Variants in CDK19 observed in about 807,000 individuals in gnomAD.
The protein encoded by CDK19 is cyclin-dependent kinase 19.
Under a neutral mutation model 68.3 loss-of-function variants are expected in CDK19, and 20 were observed. That is an observed-to-expected ratio of 0.29 (90% CI 0.21 to 0.43). The LOEUF (loss-of-function observed/expected upper bound fraction) is 0.43. Among genes scored for constraint, CDK19 ranks in the 20% least tolerant of loss-of-function variants. CDK19 has a pLI of 1.00. For synonymous variants in CDK19, 221 were observed against 222.8 expected, an observed-to-expected ratio of 0.99 and a Z score of 0.07; for missense variants, 339 against 623.5, an observed-to-expected ratio of 0.54 and a Z score of 4.86.
chr6:110,805,633 G>A (rs539487872), intron 1 of CDK19, among the ~76,000 whole-genome samples: 81 of 152,184 alleles, frequency 5.3e-4, no homozygotes, highest in African/African-American at 1.8e-3. Flanking sequence ...ACAAATCTGC[G>A]TGTAAGTGGA....
intron 1 of CDK19, among the ~76,000 whole-genome samples, chr6:110,749,574 G>A (rs373326599): frequency 8.5e-5 from 13 of 152,074 alleles, no homozygotes; most frequent in East Asian, 7.7e-4. Context: ...TGGCCAGGCT[G>A]GTCTCGAACT....
intron 2 of CDK19, among the ~76,000 whole-genome samples, chr6:110,686,100 AC>A (rs1305777439): frequency 3.3e-5 from 5 of 152,170 alleles, no homozygotes. Flanking sequence ...CTAAAAATCT[AC>A]CATTAGAAAA....
intron 1 of CDK19, among the ~76,000 whole-genome samples, chr6:110,753,725 CT>C (rs200345957): frequency 4.0e-5 from 6 of 150,520 alleles, no homozygotes; most frequent in East Asian, 1.9e-4. Context: ...TGTATAATTT[CT>C]TTTTTTTTAA....
At chr6:110,638,790 A>ATACATTCTGTATCATATACAG in intron 4 of CDK19, 84 bp from the exon 5 acceptor site, 1 of 770,904 alleles carries the variant, frequency 1.3e-6, no homozygotes, top group Non-Finnish European at 2.2e-6. Flanking sequence ...TATCATATAA[A>ATACATTCTGTATCATATACAG]AAATCATTTC....
intron 2 of CDK19, among the ~76,000 whole-genome samples, chr6:110,718,196 G>A (rs1354484840): frequency 1.3e-5 from 2 of 152,144 alleles, no homozygotes; most frequent in Non-Finnish European, 2.9e-5. Context: ...TAAGACACCA[G>A]GTACCAGGAA....
intron 9 of CDK19, 27 bp from the exon 10 acceptor site, chr6:110,622,939 G>A (rs1233964540): frequency 4.4e-6 from 6 of 1,363,804 alleles, no homozygotes; most frequent in Non-Finnish European, 6.3e-6. Flanking sequence ...GAAATGTACA[G>A]CACATGAAAA....
At chr6:110,705,544 T>C (rs1443448047) in intron 2 of CDK19, among the ~76,000 whole-genome samples, 2 of 152,034 alleles carry the variant, frequency 1.3e-5, no homozygotes, top group Non-Finnish European at 2.9e-5. Context: ...GAGAGCTCTT[T>C]TGGAAAATAA....
intron 1 of CDK19, among the ~76,000 whole-genome samples, chr6:110,751,601 C>T (rs1778480638): frequency 6.6e-6 from 1 of 152,070 alleles, no homozygotes; most frequent in South Asian, 2.1e-4. Context: ...CATCCTGAAA[C>T]CATCCCCACC....
At chr6:110,742,033 T>A (rs1328734767) in intron 2 of CDK19, among the ~76,000 whole-genome samples, 2 of 152,076 alleles carry the variant, frequency 1.3e-5, no homozygotes, top group African/African-American at 2.4e-5. Flanking sequence ...AGAAAAGAAA[T>A]CATAAATGTA....
At chr6:110,655,539 AC>A (rs1380890123) in intron 4 of CDK19, among the ~76,000 whole-genome samples, 1 of 151,786 alleles carries the variant, frequency 6.6e-6, no homozygotes, top group Admixed American at 6.6e-5. Context: ...CCCTGTCAAA[AC>A]TCCTCTTTTT....
rs1228652630 is a variant in CDK19, at chr6:110,646,573, A to AG, written c.457-7868dup. On this transcript the variant is annotated intron_variant, in intron 4 of 12. Transcript: ENST00000368911. ...AGTCGTGCTGAGTACGGCCACCTGC[A>AG]GGGGGTCAACCGGGCCAACGGCGGA... 8.0e-5 allele frequency: 48 copies of AG among 602,800 alleles called. 1 individual carries two copies. In the East Asian group the frequency reaches 2.3e-3, roughly 29 times the overall value. 37.3% of individuals were successfully genotyped at this position (602,800 alleles called of 1,614,324 possible).
intron 4 of CDK19, among the ~76,000 whole-genome samples, chr6:110,660,207 C>A (rs918184591): frequency 1.3e-5 from 2 of 152,190 alleles, no homozygotes; most frequent in Admixed American, 6.5e-5. Context: ...CAGGCTGGAA[C>A]TGGAGTGCAT....
intron 1 of CDK19, among the ~76,000 whole-genome samples, chr6:110,770,557 G>A (rs911800130): frequency 2.0e-5 from 3 of 152,154 alleles, no homozygotes; most frequent in Admixed American, 1.3e-4. Context: ...TAGAATTCAA[G>A]ATGAGATTTG....
chr6:110,813,026 A>G (rs1183000912), intron 1 of CDK19: 1 of 150,226 alleles, frequency 6.7e-6, no homozygotes, highest in Non-Finnish European at 1.5e-5. Flanking sequence ...ATTTAAACTA[A>G]TGCTTTCAGA....
chr6:110,793,824 A>C (rs1781753757), intron 1 of CDK19, among the ~76,000 whole-genome samples: 1 of 152,174 alleles, frequency 6.6e-6, no homozygotes, highest in South Asian at 2.1e-4. Flanking sequence ...ATCATTTGGG[A>C]CCACATGTAC....
At chr6:110,814,288 A>G (rs1308579606) in intron 1 of CDK19, among the ~76,000 whole-genome samples, 1 of 152,256 alleles carries the variant, frequency 6.6e-6, no homozygotes, top group Non-Finnish European at 1.5e-5. Flanking sequence ...TGGGTAGCAG[A>G]GAATTCAGCC....
At chr6:110,783,136 T>G (rs1256588358) in intron 1 of CDK19, among the ~76,000 whole-genome samples, 1 of 152,096 alleles carries the variant, frequency 6.6e-6, no homozygotes, top group Non-Finnish European at 1.5e-5. Context: ...AAAATGACAC[T>G]TTGCATCCAT....
Position 110,610,127 on chromosome 6 carries a change from T to C in CDK19, c.*4408A>G, listed in dbSNP as rs1317992927. 4 of 152,182 alleles carry C rather than the reference T, an allele frequency of 2.6e-5. No individual in the cohort carries two copies. The highest frequency in any genetic ancestry group is 4.8e-5 in the African/African-American group (2 of 41,428). The allele number at this position is 152,182 out of a possible 1,614,324, so 9.4% of individuals were successfully genotyped here. A position where few individuals can be genotyped will look rare whatever the true frequency, so the allele number is the denominator to read the frequency against. On this transcript the variant is annotated 3_prime_UTR_variant, in exon 13 of 13. Transcript: ENST00000368911. Reference sequence around the variant, plus strand: ...AAGCAGTAGCTCGTCCTGCACTCCATGGAGCAGGCCTCGCTGGGGTGCAGC... The same window carrying C: ...AAGCAGTAGCTCGTCCTGCACTCCACGGAGCAGGCCTCGCTGGGGTGCAGC...
intron 1 of CDK19, among the ~76,000 whole-genome samples, chr6:110,769,577 A>AAAAAAT (rs920149768): frequency 2.1e-5 from 3 of 146,314 alleles, no homozygotes; most frequent in African/African-American, 7.6e-5. Flanking sequence ...AAAAAAAAAA[A>AAAAAAT]AATAATAATA....
Sources: gnomAD v4.1 joint callset for allele counts (sites outside exome capture counted in the v4.1 genomes callset) on GRCh38, gnomAD v4.1.1 for gene constraint, MANE v1.5 for transcripts, NCBI Gene and HGNC (gene_info 2026-07-23, HGNC 2026-07-21) for gene names.